Variants in HEPH observed in about 807,000 individuals in gnomAD.
The protein encoded by HEPH is hephaestin.
Under a neutral mutation model 80.8 loss-of-function variants are expected in HEPH, and 69 were observed. The ratio of observed to expected loss-of-function variants is 0.85; its 90% CI spans 0.70 to 1.04. The LOEUF is 1.04. HEPH is among the 50% of genes least tolerant of loss of function. The pLI, the probability that HEPH is intolerant of heterozygous loss-of-function variation, is 0.00. For missense variants in HEPH, 1,115 were observed against 891.3 expected, an observed-to-expected ratio of 1.25 and a Z score of -3.20; for synonymous variants, 431 against 322.8, an observed-to-expected ratio of 1.34 and a Z score of -3.60.
intron 15 of HEPH, among the ~76,000 whole-genome samples, chrX:66,245,972 G>T (rs1042861221): frequency 4.5e-5 from 5 of 112,279 alleles, no homozygotes; most frequent in African/African-American, 1.6e-4. Flanking sequence ...AGCTCCCTCA[G>T]GCAGAGGCTG....
chrX:66,243,044 C>A (rs944968014), intron 15 of HEPH, among the ~76,000 whole-genome samples: 4 of 111,753 alleles, frequency 3.6e-5, no homozygotes, highest in Non-Finnish European at 7.5e-5. Flanking sequence ...ATAATTCTAT[C>A]ATAAAGACAC....
chrX:66,215,351 T>G (rs1169681310), intron 15 of HEPH, among the ~76,000 whole-genome samples: 1 of 111,133 alleles, frequency 9.0e-6, no homozygotes, highest in East Asian at 2.8e-4. Context: ...TATTGAGAGT[T>G]TTATTCTTCT....
intron 15 of HEPH, among the ~76,000 whole-genome samples, chrX:66,238,452 C>A (rs771655876): frequency 9.0e-6 from 1 of 111,180 alleles, no homozygotes; most frequent in Non-Finnish European, 1.9e-5. Context: ...GGCTGAAGTG[C>A]GAGGATCCCT....
At chrX:66,242,733 A>C (rs2090648965) in intron 15 of HEPH, among the ~76,000 whole-genome samples, 1 of 112,112 alleles carries the variant, frequency 8.9e-6, no homozygotes, top group Non-Finnish European at 1.9e-5. Context: ...TAGACGTTAT[A>C]TTCTGTGGCC....
At chrX:66,168,570 G>A (rs1438582001) in intron 1 of HEPH, among the ~76,000 whole-genome samples, 1 of 111,780 alleles carries the variant, frequency 8.9e-6, no homozygotes, top group Non-Finnish European at 1.9e-5. Context: ...ATATAATATG[G>A]AATCTAGGGA....
chrX:66,165,305 T>A (rs1184183951), intron 1 of HEPH, among the ~76,000 whole-genome samples: 4 of 111,795 alleles, frequency 3.6e-5, no homozygotes, highest in Non-Finnish European at 1.9e-5. Context: ...GAGATAGGAT[T>A]TGAATCAAGG....
intron 15 of HEPH, among the ~76,000 whole-genome samples, chrX:66,223,730 A>C (rs2089754226): frequency 9.0e-6 from 1 of 111,261 alleles, no homozygotes; most frequent in Admixed American, 9.5e-5. Flanking sequence ...CCTTCAAAAC[A>C]ATTTTTTTTA....
chrX:66,188,325 A>G (rs1420037174), intron 4 of HEPH, 34 bp from the exon 5 acceptor site: 4 of 1,097,893 alleles, frequency 3.6e-6, no homozygotes, highest in South Asian at 4.4e-5. Flanking sequence ...TAAGGAAAGG[A>G]TCTTCTCAAG....
Position 66,258,781 on chromosome X carries a change from A to C in HEPH, c.2897-59A>C, listed in dbSNP as rs771846291. On this transcript the variant is annotated intron_variant, in intron 17 of 20. Transcript: ENST00000343002. ...TAGGATAGTGGAAATGGGAAGTCCA[A>C]AGGAGAGATGTAAGAAGCTTTTTCT... The C allele has an allele frequency of 1.0e-5, 10 of 999,611 alleles. No homozygotes were observed. The South Asian group carries it at 1.0e-4, about 10-fold the overall frequency. The allele number at this position is 999,611 out of a possible 1,213,427, so 82.4% of individuals were successfully genotyped here.
chrX:66,213,011 A>T (rs1176265600), intron 15 of HEPH, among the ~76,000 whole-genome samples: 7 of 108,463 alleles, frequency 6.5e-5, no homozygotes, highest in Admixed American at 4.0e-4. Flanking sequence ...AGTTTTTTTT[A>T]AATTAATTTA....
chrX:66,235,453 G>T (rs764783504), intron 15 of HEPH, among the ~76,000 whole-genome samples: 1 of 106,525 alleles, frequency 9.4e-6, no homozygotes, highest in African/African-American at 3.6e-5. Flanking sequence ...TTCAATTAGG[G>T]GATTGTTTGT....
chrX:66,223,683 AT>A (rs762443917), intron 15 of HEPH, among the ~76,000 whole-genome samples: 1 of 111,611 alleles, frequency 9.0e-6, no homozygotes, highest in African/African-American at 3.3e-5. Flanking sequence ...TTACACACAG[AT>A]TTTTTTTATA....
At chrX:66,208,091 T>A in intron 14 of HEPH, 24 bp from the exon 15 acceptor site, 1 of 1,110,903 alleles carries the variant, frequency 9.0e-7, no homozygotes. Flanking sequence ...ACTTTATTTA[T>A]TTAATTATTT....
At chrX:66,188,667 G>A (rs1048929204) in intron 5 of HEPH, 126 bp downstream of exon 5, 25 of 504,881 alleles carry the variant, frequency 5.0e-5, no homozygotes, top group Non-Finnish European at 8.0e-5. Context: ...GCAAGGAGTA[G>A]TAGATGGCTC....
At chrX:66,232,456 A>G (rs1274993979) in intron 15 of HEPH, among the ~76,000 whole-genome samples, 1 of 111,723 alleles carries the variant, frequency 9.0e-6, no homozygotes, top group African/African-American at 3.3e-5. Flanking sequence ...CAACCATACC[A>G]CTATTGAAAA....
intron 15 of HEPH, among the ~76,000 whole-genome samples, chrX:66,214,044 G>A (rs935111670): frequency 8.9e-6 from 1 of 112,333 alleles, no homozygotes; most frequent in Non-Finnish European, 1.9e-5. Context: ...CATGTGGTAA[G>A]TTGACCTATG....
At chrX:66,225,704 G>A (rs1449134426) in intron 15 of HEPH, among the ~76,000 whole-genome samples, 4 of 112,640 alleles carry the variant, frequency 3.6e-5, no homozygotes, top group Non-Finnish European at 7.5e-5. Context: ...CTACTTGGGA[G>A]CACTCTCAGG....
intron 19 of HEPH, among the ~76,000 whole-genome samples, chrX:66,263,390 T>A (rs921232811): frequency 8.9e-6 from 1 of 111,790 alleles, no homozygotes; most frequent in Admixed American, 9.5e-5. Flanking sequence ...CCAAGAAATA[T>A]TTAAATAATA....
intron 19 of HEPH, among the ~76,000 whole-genome samples, chrX:66,262,847 A>G (rs1247398918): frequency 1.8e-5 from 2 of 111,793 alleles, no homozygotes; most frequent in Non-Finnish European, 3.8e-5. Context: ...GTATTAGAGC[A>G]CTGAAAGGAT....
Sources: allele counts gnomAD v4.1 joint callset (sites outside exome capture counted in the v4.1 genomes callset), GRCh38; gene constraint gnomAD v4.1.1; transcripts MANE v1.5; gene names NCBI Gene and HGNC (gene_info 2026-07-23, HGNC 2026-07-21).